GIPC2: variants seen among roughly 807,000 people sequenced by gnomAD.
The protein encoded by GIPC2 is PDZ domain-containing protein GIPC2.
In GIPC2, 30 loss-of-function variants were observed where a neutral mutation model predicts 30.6. That is an observed-to-expected ratio of 0.98 (90% CI 0.73 to 1.33). The LOEUF (loss-of-function observed/expected upper bound fraction) is 1.33. Ranked by LOEUF, GIPC2 falls within the 40% of genes most tolerant of loss-of-function variation. The probability of loss-of-function intolerance (pLI) is 0.00; values close to 1 mark genes in which losing one functional copy is unlikely to be tolerated. For synonymous variants in GIPC2, 167 were observed against 150.0 expected, an observed-to-expected ratio of 1.11 and a Z score of -0.83; for missense variants, 414 against 390.3, an observed-to-expected ratio of 1.06 and a Z score of -0.51.
intron 3 of GIPC2, among the ~76,000 whole-genome samples, chr1:78,117,701 C>A (rs1201664092): frequency 6.6e-6 from 1 of 152,186 alleles, no homozygotes; most frequent in African/African-American, 2.4e-5. Context: ...ATCCCCTCCC[C>A]ACCTGCCTCT....
At chr1:78,135,210 C>T (rs1662978295) in intron 5 of GIPC2, among the ~76,000 whole-genome samples, 1 of 152,060 alleles carries the variant, frequency 6.6e-6, no homozygotes, top group Admixed American at 6.6e-5. Context: ...AGAGTAGTGA[C>T]TATTAGGAGG....
At chr1:78,078,745 T>A (rs932642375) in intron 1 of GIPC2, among the ~76,000 whole-genome samples, 2 of 151,828 alleles carry the variant, frequency 1.3e-5, no homozygotes, top group African/African-American at 4.8e-5. Flanking sequence ...TATACCATCA[T>A]GGTATTTTAA....
intron 5 of GIPC2, among the ~76,000 whole-genome samples, chr1:78,135,191 GA>G (rs1662977698): frequency 6.6e-6 from 1 of 152,196 alleles, no homozygotes; most frequent in South Asian, 2.1e-4. Context: ...ACTGGTGGAG[GA>G]GGGAGGGAGA....
chr1:78,087,583 G>A (rs1166552717), intron 2 of GIPC2, among the ~76,000 whole-genome samples: 1 of 152,112 alleles, frequency 6.6e-6, no homozygotes, highest in Non-Finnish European at 1.5e-5. Context: ...GACTGAAGCT[G>A]GACCCCTCCT....
intron 1 of GIPC2, among the ~76,000 whole-genome samples, chr1:78,056,583 A>G (rs980979985): frequency 1.3e-5 from 2 of 152,256 alleles, no homozygotes. Flanking sequence ...ACATTTGCCA[A>G]CATTTCTTTT....
At chr1:78,091,621 C>CGG in intron 2 of GIPC2, 1 of 769,320 alleles carries the variant, frequency 1.3e-6, no homozygotes, top group Non-Finnish European at 2.4e-6. Context: ...TCGTGTCTGC[C>CGG]ATCCCCATCT....
At chr1:78,100,940 ATACACAC>A (rs1185566445) in intron 3 of GIPC2, among the ~76,000 whole-genome samples, 3,015 of 113,386 alleles carry the variant, frequency 0.027, 41 homozygotes, top group South Asian at 0.04. Flanking sequence ...AAAAAAAAAA[ATACACAC>A]ACACACACAC....
Position 78,132,665 on chromosome 1 carries a change from A to ATGTGTGTGTGTGTGTG in GIPC2, c.797-2909_797-2894dup, listed in dbSNP as rs61463492. Among the ~76,000 whole-genome samples the ATGTGTGTGTGTGTGTG allele has an allele frequency of 6.9e-3, 991 of 142,676 alleles. 9 individuals are homozygous for ATGTGTGTGTGTGTGTG. The highest frequency in any genetic ancestry group is 9.8e-3 in the Non-Finnish European group (643 of 65,618). The allele number at this position is 142,676 out of a possible 152,430, so 93.6% of individuals were successfully genotyped here. Reference sequence around the variant, plus strand: ...TTCTTTTTCCCTCTTATAGCCAAGGATGTGTGTGTGTGTGTGTGTGTGTGT... The same window carrying ATGTGTGTGTGTGTGTG: ...TTCTTTTTCCCTCTTATAGCCAAGGATGTGTGTGTGTGTGTGTGTGTGTGTGTGTGTGTGTGTGTGT... On this transcript the variant is annotated intron_variant, in intron 5 of 5. Coordinates refer to ENST00000370759, the MANE Select transcript of GIPC2 (RefSeq NM_017655.6).
chr1:78,095,282 T>C (rs1352539318), intron 3 of GIPC2, 150 bp downstream of exon 3: 1 of 564,750 alleles, frequency 1.8e-6, no homozygotes. Flanking sequence ...ATGGTAGCAC[T>C]ACTTATAAGA....
chr1:78,115,942 C>A (rs1047331397), intron 3 of GIPC2, among the ~76,000 whole-genome samples: 3 of 152,206 alleles, frequency 2.0e-5, no homozygotes, highest in African/African-American at 4.8e-5. Context: ...AATAGCAAAA[C>A]AGTACTTGGC....
At chr1:78,086,446 G>A (rs940018496) in intron 2 of GIPC2, among the ~76,000 whole-genome samples, 2 of 152,192 alleles carry the variant, frequency 1.3e-5, no homozygotes, top group South Asian at 2.1e-4. Context: ...GATCCATTTG[G>A]TCCAATGTTG....
intron 1 of GIPC2, among the ~76,000 whole-genome samples, chr1:78,070,458 C>A (rs1661596617): frequency 6.6e-6 from 1 of 152,038 alleles, no homozygotes; most frequent in South Asian, 2.1e-4. Flanking sequence ...TGCAATGTTG[C>A]AGCATTATTA....
At chr1:78,071,342 T>C (rs1481027524) in intron 1 of GIPC2, among the ~76,000 whole-genome samples, 1 of 152,118 alleles carries the variant, frequency 6.6e-6, no homozygotes, top group Non-Finnish European at 1.5e-5. Flanking sequence ...ATGTTTGGCT[T>C]TTAAAGTCTA....
rs1228657776 is a variant in GIPC2, at chr1:78,121,846, AAG to A, written c.714+2348_714+2349del. Among the ~76,000 whole-genome samples the A allele has an allele frequency of 2.0e-5, 3 of 152,308 alleles. No homozygotes were observed. In the East Asian group the frequency reaches 5.8e-4, roughly 29 times the overall value. ...TGAATAAGCAAATCTCAGTGGAAGA[AAG>A]GAATTTATCAGAGAAGGGAAGAACA... On this transcript the variant is annotated intron_variant, in intron 4 of 5. Transcript: ENST00000370759.
chr1:78,122,191 G>A (rs761730818), intron 4 of GIPC2, among the ~76,000 whole-genome samples: 3 of 152,242 alleles, frequency 2.0e-5, no homozygotes, highest in Admixed American at 6.5e-5. Context: ...TAGTAAAATA[G>A]GGCAATTAAA....
At chr1:78,086,232 G>A (rs1191539126) in intron 2 of GIPC2, among the ~76,000 whole-genome samples, 3 of 152,010 alleles carry the variant, frequency 2.0e-5, no homozygotes, top group Non-Finnish European at 4.4e-5. Context: ...AATTGCATGG[G>A]TTTTAGCAAT....
intron 1 of GIPC2, among the ~76,000 whole-genome samples, chr1:78,063,683 G>A (rs1397923291): frequency 2.0e-5 from 3 of 151,842 alleles, no homozygotes; most frequent in East Asian, 3.9e-4. Flanking sequence ...TCAGGGGTTC[G>A]AAACCAGCCT....
At chr1:78,081,115 C>G (rs1180666846) in intron 2 of GIPC2, among the ~76,000 whole-genome samples, 2 of 152,254 alleles carry the variant, frequency 1.3e-5, no homozygotes, top group Non-Finnish European at 2.9e-5. Context: ...ACCCTGGTGC[C>G]TACTCATTAT....
At chr1:78,068,065 G>T (rs1014719542) in intron 1 of GIPC2, among the ~76,000 whole-genome samples, 3 of 151,946 alleles carry the variant, frequency 2.0e-5, no homozygotes, top group African/African-American at 7.3e-5. Flanking sequence ...AGTTAAACTT[G>T]GGCAATAATA....
Sources: gnomAD v4.1 joint callset for allele counts (sites outside exome capture counted in the v4.1 genomes callset) on GRCh38, gnomAD v4.1.1 for gene constraint, MANE v1.5 for transcripts, NCBI Gene and HGNC (gene_info 2026-07-23, HGNC 2026-07-21) for gene names.